The following DPP10 variants were observed in gnomAD, a reference collection of about 807,000 sequenced individuals.
DPP10 encodes inactive dipeptidyl peptidase 10.
A neutral mutation model predicts 120.9 loss-of-function variants in DPP10; 33 were observed. That is an observed-to-expected ratio of 0.27 (90% CI 0.21 to 0.37). The LOEUF (loss-of-function observed/expected upper bound fraction) is 0.37, where lower values mean the gene tolerates loss of function less well. Ranked by LOEUF, DPP10 falls within the 10% of genes least tolerant of loss-of-function variation. The pLI is 1.00. For missense variants in DPP10, 816 were observed against 942.8 expected, an observed-to-expected ratio of 0.87 and a Z score of 1.76; for synonymous variants, 337 against 326.1, an observed-to-expected ratio of 1.03 and a Z score of -0.36.
chr2:115,303,361 T>C (rs2061225811), intron 1 of DPP10, among the ~76,000 whole-genome samples: 1 of 151,950 alleles, frequency 6.6e-6, no homozygotes, highest in Admixed American at 6.6e-5. Context: ...ATTAATCTAA[T>C]ATAGCTTGTA....
chr2:115,198,564 A>G (rs999739255), intron 1 of DPP10, among the ~76,000 whole-genome samples: 5 of 152,088 alleles, frequency 3.3e-5, no homozygotes, highest in African/African-American at 1.2e-4. Context: ...AGATTTCTTC[A>G]TGTGTTACTC....
chr2:115,556,170 C>G (rs1465086687), intron 5 of DPP10, among the ~76,000 whole-genome samples: 3 of 151,454 alleles, frequency 2.0e-5, no homozygotes, highest in South Asian at 4.2e-4. Context: ...GATGAGCAAC[C>G]TTTTTTTTGT....
intron 1 of DPP10, among the ~76,000 whole-genome samples, chr2:114,559,118 C>T (rs949917683): frequency 2.0e-5 from 3 of 152,210 alleles, no homozygotes; most frequent in South Asian, 2.1e-4. Context: ...GAATAATGCC[C>T]CTTCCTCATA....
chr2:115,458,184 C>T (rs1443508879), intron 3 of DPP10, among the ~76,000 whole-genome samples: 1 of 152,048 alleles, frequency 6.6e-6, no homozygotes, highest in Non-Finnish European at 1.5e-5. Context: ...GAACATTACA[C>T]CCCCAAAATG....
intron 1 of DPP10, among the ~76,000 whole-genome samples, chr2:115,012,417 C>G (rs952911994): frequency 2.0e-5 from 3 of 152,166 alleles, no homozygotes; most frequent in Admixed American, 1.3e-4. Context: ...ACCAAGGACC[C>G]TCACAGATTC....
chr2:115,369,209 G>A (rs933054696), intron 3 of DPP10, among the ~76,000 whole-genome samples: 5 of 151,964 alleles, frequency 3.3e-5, no homozygotes, highest in Non-Finnish European at 4.4e-5. Flanking sequence ...ATGTTAGGCT[G>A]AAAGTATAAA....
intron 3 of DPP10, among the ~76,000 whole-genome samples, chr2:115,396,016 C>T (rs79621143): frequency 0.047 from 7,133 of 152,092 alleles, 488 homozygotes; most frequent in African/African-American, 0.15. Context: ...CGTGAATTTC[C>T]AGCAATTAGC....
intron 1 of DPP10, among the ~76,000 whole-genome samples, chr2:114,927,955 G>A (rs528362172): frequency 7.2e-5 from 11 of 151,924 alleles, no homozygotes; most frequent in Non-Finnish European, 1.6e-4. Flanking sequence ...ACTCTTGTGG[G>A]AACTAATAAG....
intron 5 of DPP10, among the ~76,000 whole-genome samples, chr2:115,583,329 T>C (rs745799915): frequency 4.2e-4 from 64 of 152,226 alleles, no homozygotes; most frequent in Non-Finnish European, 7.9e-4. Flanking sequence ...ATCATAGTTT[T>C]CTTGGGTTAG....
At chr2:114,950,514 G>A (rs1429739451) in intron 1 of DPP10, among the ~76,000 whole-genome samples, 2 of 151,172 alleles carry the variant, frequency 1.3e-5, no homozygotes, top group Admixed American at 6.6e-5. Context: ...CACGGTGTTA[G>A]CAGGATGGTC....
chr2:115,639,627 G>T (rs1053888214), intron 5 of DPP10, among the ~76,000 whole-genome samples: 6 of 149,858 alleles, frequency 4.0e-5, no homozygotes, highest in African/African-American at 1.5e-4. Flanking sequence ...TGCATTACAG[G>T]TTTTTTTTTT....
chr2:114,445,532 C>CTG (rs1558766322), intron 1 of DPP10, among the ~76,000 whole-genome samples: 1 of 116,034 alleles, frequency 8.6e-6, no homozygotes, highest in Admixed American at 9.9e-5. Flanking sequence ...GGAAAAACAG[C>CTG]TCTGTGTGTG....
intron 1 of DPP10, among the ~76,000 whole-genome samples, chr2:114,850,397 C>T (rs1447430149): frequency 1.3e-5 from 2 of 152,078 alleles, no homozygotes; most frequent in African/African-American, 4.8e-5. Context: ...TATTAATATT[C>T]TTTCTTTTCA....
intron 1 of DPP10, among the ~76,000 whole-genome samples, chr2:115,268,597 A>G (rs771778978): frequency 2.6e-5 from 4 of 152,226 alleles, no homozygotes; most frequent in Admixed American, 6.5e-5. Flanking sequence ...AGATCCTAAT[A>G]CTGTGTTCAG....
chr2:115,727,263 A>C (rs1367893157), intron 7 of DPP10, among the ~76,000 whole-genome samples: 1 of 129,250 alleles, frequency 7.7e-6, no homozygotes, highest in Non-Finnish European at 1.8e-5. Context: ...AGACTGGTGC[A>C]CTGGAAGCTG....
chr2:115,007,837 AG>A (rs1229764361), intron 1 of DPP10, among the ~76,000 whole-genome samples: 2,507 of 149,770 alleles, frequency 0.017, 66 homozygotes, highest in African/African-American at 0.059. Flanking sequence ...ATTGCTTCAA[AG>A]AGAATAAAAT....
chr2:114,947,623 T>C (rs1217027304), intron 1 of DPP10, among the ~76,000 whole-genome samples: 1 of 152,040 alleles, frequency 6.6e-6, no homozygotes, highest in Non-Finnish European at 1.5e-5. Flanking sequence ...AAGTTAATAA[T>C]TTTTTATATT....
chr2:115,216,482 A>G (rs1336994884), intron 1 of DPP10, among the ~76,000 whole-genome samples: 1 of 152,086 alleles, frequency 6.6e-6, no homozygotes, highest in Non-Finnish European at 1.5e-5. Flanking sequence ...CTAACTTAGC[A>G]TAATCAAAAA....
intron 1 of DPP10, among the ~76,000 whole-genome samples, chr2:115,239,574 A>G (rs1160534227): frequency 6.6e-6 from 1 of 152,154 alleles, no homozygotes; most frequent in Non-Finnish European, 1.5e-5. Flanking sequence ...ATGCTGTTGC[A>G]CACTAGTAGA....
Sources: gnomAD v4.1 joint callset for allele counts (sites outside exome capture counted in the v4.1 genomes callset) on GRCh38, gnomAD v4.1.1 for gene constraint, MANE v1.5 for transcripts, NCBI Gene and HGNC (gene_info 2026-07-23, HGNC 2026-07-21) for gene names.